The following CELSR1 variants were observed in gnomAD, a reference collection of about 807,000 sequenced individuals.
CELSR1 encodes cadherin EGF LAG seven-pass G-type receptor 1.
In CELSR1, 110 loss-of-function variants were observed where a neutral mutation model predicts 249.1. That is an observed-to-expected ratio of 0.44 (90% CI 0.38 to 0.52). The LOEUF (loss-of-function observed/expected upper bound fraction) is 0.52. Ranked by LOEUF, CELSR1 falls within the 20% of genes least tolerant of loss-of-function variation. The probability of loss-of-function intolerance (pLI) is 0.00; values close to 1 mark genes in which losing one functional copy is unlikely to be tolerated. For missense variants in CELSR1, 4,109 were observed against 4,296.4 expected (o/e 0.96, Z 1.22); for synonymous variants, 2,113 against 1,900.0 (o/e 1.11, Z -2.92).
At chr22:46,373,221 G>A (rs1202613612) in intron 24 of CELSR1, among the ~76,000 whole-genome samples, 164 bp from the exon 25 acceptor site, 1 of 152,200 alleles carries the variant, frequency 6.6e-6, no homozygotes, top group Non-Finnish European at 1.5e-5. Flanking sequence ...TGAGAGCCAG[G>A]AATTGAAAAT....
intron 29 of CELSR1, among the ~76,000 whole-genome samples, 195 bp from the exon 30 acceptor site, chr22:46,366,675 C>T (rs1363943387): frequency 1.3e-5 from 2 of 152,182 alleles, no homozygotes; most frequent in Admixed American, 6.5e-5. Context: ...GAGGGAAGCA[C>T]ATCCTGGCCC....
chr22:46,391,912 G>T lies in CELSR1; in HGVS notation c.5965-96C>A. 24 of 1,337,014 alleles carry T rather than the reference G, an allele frequency of 1.8e-5. No homozygotes were observed. Among genetic ancestry groups the T allele is most frequent in the Non-Finnish European group, 2.2e-5 (22 of 982,422 alleles). 82.8% of individuals were successfully genotyped at this position (1,337,014 alleles called of 1,614,324 possible). A position where few individuals can be genotyped will look rare whatever the true frequency, so the allele number is the denominator to read the frequency against. On this transcript the variant is annotated intron_variant, in intron 14 of 34. Transcript: ENST00000674500. This position sits in a 1 kb window ranked among gnomAD's most constrained non-coding sequence, Gnocchi z 4.3. Reference sequence around the variant, plus strand: ...CGAGCGACGTCCAGACTCCCACCCGGGTGTGTGTGTTGGCCGCCAGCCATC... The same window carrying T: ...CGAGCGACGTCCAGACTCCCACCCGTGTGTGTGTGTTGGCCGCCAGCCATC...
At chr22:46,451,389 A>G (rs1439478945) in intron 2 of CELSR1, among the ~76,000 whole-genome samples, 1 of 152,226 alleles carries the variant, frequency 6.6e-6, no homozygotes. Context: ...TGATCTCCAG[A>G]CACACCCATT....
chr22:46,419,381 C>G (rs1440414340), intron 5 of CELSR1, among the ~76,000 whole-genome samples: 1 of 152,184 alleles, frequency 6.6e-6, no homozygotes, highest in African/African-American at 2.4e-5. Flanking sequence ...CTCAAGCACT[C>G]AACAAGAAGC....
At chr22:46,497,444 G>C (rs2080424186) in intron 1 of CELSR1, among the ~76,000 whole-genome samples, 1 of 152,184 alleles carries the variant, frequency 6.6e-6, no homozygotes, top group Non-Finnish European at 1.5e-5. Context: ...CTCCCCGGGA[G>C]AATCTGTCCC....
chr22:46,369,167 A>C lies in CELSR1; in HGVS notation c.7952+12T>G. 2 of 1,613,568 alleles carry C rather than the reference A, an allele frequency of 1.2e-6. No individual in the cohort carries two copies. The highest frequency in any genetic ancestry group is 1.7e-6 in the Non-Finnish European group (2 of 1,179,532). ...CCGACATGGCTGGCCGGTCAGGTTC[A>C]GCCCCACTTACACGATCCCTTTTTT... On this transcript the variant is annotated intron_variant, in intron 27 of 34. Coordinates refer to ENST00000674500, the MANE Select transcript of CELSR1 (RefSeq NM_001378328.1).
intron 1 of CELSR1, among the ~76,000 whole-genome samples, chr22:46,513,914 C>T (rs923163403): frequency 6.6e-6 from 1 of 151,808 alleles, no homozygotes; most frequent in Non-Finnish European, 1.5e-5. Context: ...TGCCTCAGCC[C>T]CCCCCGAGTA....
intron 1 of CELSR1, among the ~76,000 whole-genome samples, chr22:46,491,371 C>T (rs2080365802): frequency 1.4e-5 from 2 of 147,700 alleles, no homozygotes; most frequent in Non-Finnish European, 3.0e-5. Flanking sequence ...TCAAGTGATT[C>T]TCCTGCCTCA....
chr22:46,442,326 G>A (rs1470576678), intron 2 of CELSR1, among the ~76,000 whole-genome samples: 1 of 152,242 alleles, frequency 6.6e-6, no homozygotes, highest in African/African-American at 2.4e-5. Context: ...CGCTGGGGCA[G>A]CCCCCATCCA....
chr22:46,366,392 A>G lies in CELSR1; in HGVS notation c.8294T>C (p.Ile2765Thr). The G allele has an allele frequency of 6.5e-7, 1 of 1,548,866 alleles. No homozygotes were observed. Among genetic ancestry groups the G allele is most frequent in the Non-Finnish European group, 8.7e-7 (1 of 1,146,020 alleles). Residue 2765 changes from isoleucine to threonine, a missense_variant, in exon 30 of 35, where the codon ATC becomes ACC. By Grantham distance (89) the Ile-to-Thr change is moderately conservative. This residue lies in a region of CELSR1 where 1,805 missense variants were observed against 1,831.6 expected (regional missense o/e 0.99). Coordinates refer to ENST00000674500, the MANE Select transcript of CELSR1 (RefSeq NM_001378328.1). ...CCCGGAGCTGCGGCCTGACCTGACG[A>G]TGCTGTCCAGCGAGGCGGTGGACTC... ...LGESTASLDS[I>T]VRDEGIQKLG...
Position 46,414,313 on chromosome 22 carries a change from G to A in CELSR1, c.4612-2554C>T, listed in dbSNP as rs141526040. Among the ~76,000 whole-genome samples, 50 of 152,336 alleles carry A rather than the reference G, an allele frequency of 3.3e-4. No individual in the cohort carries two copies. In the East Asian group the frequency reaches 5.4e-3, roughly 16 times the overall value. On this transcript the variant is annotated intron_variant, in intron 5 of 34. Coordinates refer to ENST00000674500, the MANE Select transcript of CELSR1 (RefSeq NM_001378328.1). Reference sequence around the variant, plus strand: ...GGTCAAAAGTAACAGCACTTTTGGCGAAAGAGCCGAATGTTCTCAGGTGGA... The same window carrying A: ...GGTCAAAAGTAACAGCACTTTTGGCAAAAGAGCCGAATGTTCTCAGGTGGA...
At chr22:46,438,479 T>C (rs17587755) in intron 3 of CELSR1, among the ~76,000 whole-genome samples, 13,737 of 152,196 alleles carry the variant, frequency 0.09, 782 homozygotes, top group African/African-American at 0.15. Context: ...GATTTTACTT[T>C]TAAAGGTATT....
rs1483171335 is a variant in CELSR1 at position 46,423,025 on chromosome 22, G to C, written c.4611+10368C>G. Among the ~76,000 whole-genome samples the C allele has an allele frequency of 6.6e-6, 1 of 152,140 alleles. No homozygotes were observed. The highest frequency in any genetic ancestry group is 1.5e-5 in the Non-Finnish European group (1 of 68,016). ...CACCAATGGTCCATGTCTCTACCTA[G>C]AGGCTGGGCTTGGCCACATGACCTG... On this transcript the variant is annotated intron_variant, in intron 5 of 34. Transcript: ENST00000674500. This position sits in a 1 kb window ranked among gnomAD's most constrained non-coding sequence, Gnocchi z 5.6.
chr22:46,492,500 C>T (rs1383167353), intron 1 of CELSR1, among the ~76,000 whole-genome samples: 2 of 152,086 alleles, frequency 1.3e-5, no homozygotes, highest in East Asian at 3.8e-4. Flanking sequence ...GTGTTATTCC[C>T]ACCTGGATAT....
In CELSR1 at chr22:46,536,414, C is replaced by T; in HGVS notation, c.757G>A (p.Ala253Thr). Residue 253 changes from alanine to threonine, a missense_variant, in exon 1 of 35, where the codon GCG becomes ACG. Ala to Thr is a moderately conservative substitution (Grantham distance 58). This residue lies in a region of CELSR1 where 673 missense variants were observed against 636.8 expected (regional missense o/e 1.06). Transcript: ENST00000674500. ...LKFPMPNYQV[A>T]LFENEPAGTL... is the part of the protein sequence containing the mutation. ...CCCGCCGGTTCGTTCTCAAACAACG[C>T]CACCTGGTAGTTGGGCATCGGAAAC... The T allele has an allele frequency of 6.2e-7, 1 of 1,612,440 alleles. No individual in the cohort carries two copies. Among genetic ancestry groups the T allele is most frequent in the Non-Finnish European group, 8.5e-7 (1 of 1,179,684 alleles).
rs763400495 is a variant in CELSR1 at position 46,409,707 on chromosome 22, C to G, written c.5059+48G>C. 1 of 1,605,402 alleles carries G rather than the reference C, an allele frequency of 6.2e-7. No homozygotes were observed. The highest frequency in any genetic ancestry group is 8.5e-7 in the Non-Finnish European group (1 of 1,179,104). On this transcript the variant is annotated intron_variant, in intron 8 of 34. Coordinates refer to ENST00000674500, the MANE Select transcript of CELSR1 (RefSeq NM_001378328.1). This position sits in a 1 kb window ranked among gnomAD's most constrained non-coding sequence, Gnocchi z 9.8. ...GTCCCGGGCACATCAAGGAGCAATGCCTCCCAGGCCGCCGTGACCGGGGGG... is the reference window on the plus strand; with the variant it reads ...GTCCCGGGCACATCAAGGAGCAATGGCTCCCAGGCCGCCGTGACCGGGGGG...
In CELSR1 at chr22:46,527,898, C is replaced by A. The variant is rs2080754120; in HGVS notation, c.3544+5729G>T. On this transcript the variant is annotated intron_variant, in intron 1 of 34. Coordinates refer to ENST00000674500, the MANE Select transcript of CELSR1 (RefSeq NM_001378328.1). The surrounding 1 kb of genome is among the most constrained non-coding windows in gnomAD (Gnocchi z 5.5). Reference sequence around the variant, plus strand: ...ATAGCCTGAGGTCAGGAGTTGGAGACCAGCCTGGCCAGCATGGTGAAACCC... The same window carrying A: ...ATAGCCTGAGGTCAGGAGTTGGAGAACAGCCTGGCCAGCATGGTGAAACCC... Among the ~76,000 whole-genome samples the A allele has an allele frequency of 6.6e-6, 1 of 152,084 alleles. No individual in the cohort carries two copies. The highest frequency in any genetic ancestry group is 1.5e-5 in the Non-Finnish European group (1 of 68,012).
Position 46,517,897 on chromosome 22 carries a change from C to T in CELSR1, c.3544+15730G>A, listed in dbSNP as rs960487769. Among the ~76,000 whole-genome samples, 5 of 116,088 alleles carry T rather than the reference C, an allele frequency of 4.3e-5. No homozygotes were observed. The highest frequency in any genetic ancestry group is 3.1e-4 in the Admixed American group (3 of 9,804). 76.2% of individuals were successfully genotyped at this position (116,088 alleles called of 152,430 possible). A position where few individuals can be genotyped will look rare whatever the true frequency, so the allele number is the denominator to read the frequency against. ...GTTTATTACACACCTCCCACGGTGT[C>T]CCCTTCCTTTTTTTTTTTTTTTGAG... is the stretch of plus-strand genomic sequence containing the variant. On this transcript the variant is annotated intron_variant, in intron 1 of 34. Coordinates refer to ENST00000674500, the MANE Select transcript of CELSR1 (RefSeq NM_001378328.1). The surrounding 1 kb of genome is among the most constrained non-coding windows in gnomAD (Gnocchi z 5.4).
chr22:46,384,948 G>A (rs140801907), intron 19 of CELSR1, among the ~76,000 whole-genome samples: 2,086 of 151,478 alleles, frequency 0.014, 48 homozygotes, highest in African/African-American at 0.048. Flanking sequence ...GCACCACCAC[G>A]CCTGGCTAAT....
Sources: gnomAD v4.1 joint callset for allele counts (sites outside exome capture counted in the v4.1 genomes callset) on GRCh38, gnomAD v4.1.1 for gene constraint, gnomAD v4.1.1 regional missense constraint, Gnocchi (gnomAD v3.1) non-coding constraint, MANE v1.5 for transcripts, NCBI Gene and HGNC (gene_info 2026-07-23, HGNC 2026-07-21) for gene names.